Variants in WSB2 observed in about 807,000 individuals in gnomAD.
WSB2 encodes the protein WD repeat and SOCS box-containing protein 2.
In WSB2, 12 loss-of-function variants were observed where a neutral mutation model predicts 48.8. That is an observed-to-expected ratio of 0.25 (90% confidence interval 0.16 to 0.40). The LOEUF (loss-of-function observed/expected upper bound fraction) is 0.40. Among genes scored for constraint, WSB2 ranks in the 10% least tolerant of loss-of-function variants. The pLI, the probability that WSB2 is intolerant of heterozygous loss-of-function variation, is 1.00. For synonymous variants in WSB2, 191 were observed against 203.1 expected (o/e 0.94, Z 0.51); for missense variants, 317 against 506.2 (o/e 0.63, Z 3.59).
chr12:118,052,753 C>T (rs1342396629), intron 1 of WSB2: 5 of 512,444 alleles, frequency 9.8e-6, no homozygotes, highest in South Asian at 2.7e-5. Flanking sequence ...CCTATGAATA[C>T]TTGAAGGGGA....
upstream of WSB2, among the ~76,000 whole-genome samples, chr12:118,061,585 G>T (rs1251512661): frequency 2.0e-5 from 3 of 151,088 alleles, no homozygotes; most frequent in East Asian, 6.0e-4. Context: ...GGAAAAGGGG[G>T]TGTTGGAGAG....
In WSB2 at chr12:118,034,023, G is replaced by A; in HGVS notation, c.*173C>T. 1.2e-6 allele frequency: 1 copy of A among 837,082 alleles called. No individual in the cohort carries two copies. Among genetic ancestry groups the A allele is most frequent in the East Asian group, 2.6e-5 (1 of 37,914 alleles). The allele number at this position is 837,082 out of a possible 1,614,324, so 51.9% of individuals were successfully genotyped here. ...CTCTAAGACTGACTTTCACATGCCA[G>A]GGAGAGAAAGATCCATGACTAGTAC... On this transcript the variant is annotated 3_prime_UTR_variant, in exon 9 of 9. Transcript: ENST00000315436.
At position 118,036,430 on chromosome 12, in the gene WSB2, G is replaced by A; in HGVS notation, c.741C>T (p.Phe247=). ...GHQSSVVSCD[F]SPDSALLVTA... ...TGACAAGCAGGGCAGAGTCGGGGGAGAAGTCACAAGAGACAACACTGCTTT... is the reference window on the plus strand; with the variant it reads ...TGACAAGCAGGGCAGAGTCGGGGGAAAAGTCACAAGAGACAACACTGCTTT... Residue 247 remains phenylalanine, a synonymous_variant, in exon 6 of 9, where the codon TTC becomes TTT. Coordinates refer to ENST00000315436, the MANE Select transcript of WSB2 (RefSeq NM_018639.5). 1 of 1,614,244 alleles carries A rather than the reference G, an allele frequency of 6.2e-7. No individual in the cohort carries two copies. Among genetic ancestry groups the A allele is most frequent in the Non-Finnish European group, 8.5e-7 (1 of 1,180,046 alleles).
chr12:118,059,645 C>A (rs1403651561), intron 1 of WSB2, among the ~76,000 whole-genome samples: 1 of 152,168 alleles, frequency 6.6e-6, no homozygotes, highest in Non-Finnish European at 1.5e-5. Context: ...AAACAGATTT[C>A]TGTTAAAAAG....
At chr12:118,054,834 G>T (rs2031925745) in intron 1 of WSB2, among the ~76,000 whole-genome samples, 1 of 151,172 alleles carries the variant, frequency 6.6e-6, no homozygotes, top group Non-Finnish European at 1.5e-5. Context: ...TCAAGCCTTT[G>T]TAAAGAGACT....
At chr12:118,043,654 C>T (rs1295460682) in intron 2 of WSB2, among the ~76,000 whole-genome samples, 1 of 152,094 alleles carries the variant, frequency 6.6e-6, no homozygotes, top group Non-Finnish European at 1.5e-5. Context: ...GTCATGTTGC[C>T]CAGGCTGGTC....
intron 6 of WSB2, among the ~76,000 whole-genome samples, 177 bp from the exon 7 acceptor site, chr12:118,035,501 A>C (rs1758806179): frequency 6.6e-6 from 1 of 152,216 alleles, no homozygotes. Flanking sequence ...GTATCTCAGA[A>C]GGCTCCAGGT....
intron 5 of WSB2, among the ~76,000 whole-genome samples, chr12:118,036,868 C>T (rs1048488881): frequency 6.6e-6 from 1 of 152,170 alleles, no homozygotes; most frequent in East Asian, 1.9e-4. Flanking sequence ...GAGCCAAGTG[C>T]TATCTTATTC....
At chr12:118,034,509 T>C (rs2031454054) in intron 8 of WSB2, 151 bp from the exon 9 acceptor site, 3 of 975,094 alleles carry the variant, frequency 3.1e-6, no homozygotes, top group South Asian at 1.8e-5. Flanking sequence ...TGTAAAATTG[T>C]GGTGCTGAAT....
chr12:118,061,274 G>C, upstream of WSB2: 5 of 704,310 alleles, frequency 7.1e-6, no homozygotes, highest in Non-Finnish European at 8.7e-6. Context: ...ACGGTGGGGG[G>C]CAGCTGAGGG....
intron 2 of WSB2, among the ~76,000 whole-genome samples, chr12:118,045,097 C>A (rs915896093): frequency 6.6e-6 from 1 of 152,110 alleles, no homozygotes; most frequent in Non-Finnish European, 1.5e-5. Flanking sequence ...TTTTAACTGG[C>A]CGGGTGCGGT....
At chr12:118,038,231 C>T in intron 5 of WSB2, 57 bp downstream of exon 5, 1 of 1,526,432 alleles carries the variant, frequency 6.6e-7, no homozygotes, top group East Asian at 2.3e-5. Flanking sequence ...ACACACCAGG[C>T]CACCACTTCA....
Position 118,052,306 on chromosome 12 carries a change from T to C in WSB2, c.182+4A>G, listed in dbSNP as rs767242892. On this transcript the variant is annotated splice_donor_region_variant and intron_variant, in intron 2 of 8. Transcript: ENST00000315436. ...GGATGGGGCCCCAGTACGAGAATACTTACAACTGCTCCTCCAACGGCCAGG... is the reference window on the plus strand; with the variant it reads ...GGATGGGGCCCCAGTACGAGAATACCTACAACTGCTCCTCCAACGGCCAGG... 1 of 1,613,592 alleles carries C rather than the reference T, an allele frequency of 6.2e-7. No individual in the cohort carries two copies. The highest frequency in any genetic ancestry group is 8.5e-7 in the Non-Finnish European group (1 of 1,179,568).
chr12:118,040,341 G>A (rs562207054), intron 4 of WSB2, among the ~76,000 whole-genome samples: 11 of 152,052 alleles, frequency 7.2e-5, no homozygotes, highest in Middle Eastern at 6.8e-3. Flanking sequence ...ACTCCATCCC[G>A]CCCACTCTTG....
At chr12:118,049,066 CT>C (rs2031799512) in intron 2 of WSB2, among the ~76,000 whole-genome samples, 1 of 152,076 alleles carries the variant, frequency 6.6e-6, no homozygotes, top group Non-Finnish European at 1.5e-5. Flanking sequence ...CCATGTTGTG[CT>C]TTTTAAAAAG....
At position 118,061,037 on chromosome 12, in the gene WSB2, T is replaced by G. The variant is rs1194543159; in HGVS notation, c.12A>C (p.Gly4=). 1.0e-6 allele frequency: 1 copy of G among 979,116 alleles called. No individual in the cohort carries two copies. Among genetic ancestry groups the G allele is most frequent in the African/African-American group, 1.8e-5 (1 of 54,816 alleles). 60.7% of individuals were successfully genotyped at this position (979,116 alleles called of 1,614,324 possible). A position where few individuals can be genotyped will look rare whatever the true frequency, so the allele number is the denominator to read the frequency against. MEA[G]EEPLLLAELK... ...ACGGGCGCGCCCGGCCCCACTCACCTCCGGCCTCCATGGAGGACGCGAGCG... is the reference window on the plus strand; with the variant it reads ...ACGGGCGCGCCCGGCCCCACTCACCGCCGGCCTCCATGGAGGACGCGAGCG... The change falls in exon 1 of 9, where the codon GGA becomes GGC. Residue 4 remains glycine, a splice_region_variant and synonymous_variant. Coordinates refer to ENST00000315436, the MANE Select transcript of WSB2 (RefSeq NM_018639.5).
chr12:118,048,089 G>C (rs1046877114), intron 2 of WSB2, among the ~76,000 whole-genome samples: 8 of 152,006 alleles, frequency 5.3e-5, no homozygotes, highest in African/African-American at 1.9e-4. Context: ...ACCACGCCAG[G>C]CTAATTTTTA....
chr12:118,055,015 T>TA (rs11426565), intron 1 of WSB2, among the ~76,000 whole-genome samples: 25,829 of 135,120 alleles, frequency 0.19, 3,970 homozygotes, highest in East Asian at 0.43. Flanking sequence ...TCCATCTCTT[T>TA]AAAAAAAAAA....
rs575498848 is a variant in WSB2, at chr12:118,037,160, C to T, written c.661-650G>A. 9.2e-5 allele frequency among the ~76,000 whole-genome samples: 14 copies of T among 152,040 alleles called. No homozygotes were observed. The East Asian group carries it at 1.4e-3, about 15-fold the overall frequency. On this transcript the variant is annotated intron_variant, in intron 5 of 8. Coordinates refer to ENST00000315436, the MANE Select transcript of WSB2 (RefSeq NM_018639.5). ...TCACGTCACTGCACTCCAGCTTGGG[C>T]GAAAGAGTAAGACTGTCTCAAATTT...
Sources: gnomAD v4.1 joint callset for allele counts (sites outside exome capture counted in the v4.1 genomes callset) on GRCh38, gnomAD v4.1.1 for gene constraint, MANE v1.5 for transcripts, NCBI Gene and HGNC (gene_info 2026-07-23, HGNC 2026-07-21) for gene names.